Variants in ATG14 observed in about 807,000 individuals in gnomAD.
The protein encoded by ATG14 is autophagy related 14.
Under a neutral mutation model 60.4 loss-of-function variants are expected in ATG14, and 35 were observed. The ratio of observed to expected loss-of-function variants is 0.58; its 90% CI spans 0.44 to 0.77. The LOEUF (loss-of-function observed/expected upper bound fraction) is 0.77, where lower values mean the gene tolerates loss of function less well. ATG14 is among the 30% of genes least tolerant of loss of function. The pLI is 0.00. For missense variants in ATG14, 647 were observed against 626.3 expected, an observed-to-expected ratio of 1.03 and a Z score of -0.35; for synonymous variants, 234 against 228.8, an observed-to-expected ratio of 1.02 and a Z score of -0.21.
rs1884947828 is a variant in ATG14 at position 55,377,800 on chromosome 14, G to C, written c.1172+19C>G. 1 of 1,530,802 alleles carries C rather than the reference G, an allele frequency of 6.5e-7. No homozygotes were observed. The highest frequency in any genetic ancestry group is 8.8e-7 in the Non-Finnish European group (1 of 1,133,268). The allele number at this position is 1,530,802 out of a possible 1,614,324, so 94.8% of individuals were successfully genotyped here. A position where few individuals can be genotyped will look rare whatever the true frequency, so the allele number is the denominator to read the frequency against. On this transcript the variant is annotated intron_variant, in intron 9 of 9. Coordinates refer to ENST00000247178, the MANE Select transcript of ATG14 (RefSeq NM_014924.5). ...GATTCACAAAAACACTTAGAGAAAAGCAACAAATATCTTCTTACCTGCCTA... is the reference window on the plus strand; with the variant it reads ...GATTCACAAAAACACTTAGAGAAAACCAACAAATATCTTCTTACCTGCCTA...
intron 4 of ATG14, 147 bp downstream of exon 4, chr14:55,390,764 A>G: frequency 1.6e-6 from 1 of 610,916 alleles, no homozygotes; most frequent in African/African-American, 1.9e-5. Context: ...AATGTTTTAC[A>G]AGGAAAGATG....
chr14:55,369,576 G>C lies in ATG14; in HGVS notation c.*43C>G, dbSNP rs761098909. 7 of 1,447,932 alleles carry C rather than the reference G, an allele frequency of 4.8e-6. No individual in the cohort carries two copies. The highest frequency in any genetic ancestry group is 6.4e-6 in the Non-Finnish European group (7 of 1,088,280). The allele number at this position is 1,447,932 out of a possible 1,614,324, so 89.7% of individuals were successfully genotyped here. On this transcript the variant is annotated 3_prime_UTR_variant, in exon 10 of 10. Transcript: ENST00000247178. ...TGTTTACTAGAGTGTAGTGGGAGAA[G>C]AACTTTCTTGATGCAGATTTGGTAT...
intron 9 of ATG14, among the ~76,000 whole-genome samples, chr14:55,375,368 A>G (rs1884897733): frequency 6.6e-6 from 1 of 152,216 alleles, no homozygotes; most frequent in Non-Finnish European, 1.5e-5. Context: ...TCATTCTGTC[A>G]TCCAGGTTGG....
intron 3 of ATG14, among the ~76,000 whole-genome samples, chr14:55,391,471 T>TAAAAAA (rs746307684): frequency 5.3e-5 from 4 of 75,790 alleles, no homozygotes; most frequent in African/African-American, 8.1e-5. Context: ...TGAGACTCCA[T>TAAAAAA]AAAAAAAAAA....
intron 7 of ATG14, 26 bp downstream of exon 7, chr14:55,380,547 T>A: frequency 7.0e-7 from 1 of 1,421,598 alleles, no homozygotes; most frequent in Non-Finnish European, 9.8e-7. Context: ...ATGATAAAGA[T>A]GACATTACCA....
chr14:55,397,268 T>C lies in ATG14; in HGVS notation c.284+104A>G. ...ACACTTTAAGAGGTTGTATCCTAAA[T>C]TCAGTAAGTTAGCAATCCGTATATC... On this transcript the variant is annotated intron_variant, in intron 2 of 9. Coordinates refer to ENST00000247178, the MANE Select transcript of ATG14 (RefSeq NM_014924.5). 3.0e-6 allele frequency: 3 copies of C among 997,786 alleles called. No homozygotes were observed. The Admixed American group carries it at 5.9e-5, about 20-fold the overall frequency. 61.8% of individuals were successfully genotyped at this position (997,786 alleles called of 1,614,324 possible).
chr14:55,370,026 G>T, intron 9 of ATG14, 101 bp from the exon 10 acceptor site: 1 of 1,131,146 alleles, frequency 8.8e-7, no homozygotes, highest in Non-Finnish European at 1.2e-6. Flanking sequence ...GATGAGGGAC[G>T]CCGCACACCC....
chr14:55,384,497 G>A (rs75112402), intron 5 of ATG14, among the ~76,000 whole-genome samples: 3,026 of 152,274 alleles, frequency 0.02, 79 homozygotes, highest in African/African-American at 0.069. Flanking sequence ...ATCACACATT[G>A]CACTCAGCTG....
At chr14:55,388,116 G>A (rs1261522299) in intron 4 of ATG14, among the ~76,000 whole-genome samples, 3 of 152,200 alleles carry the variant, frequency 2.0e-5, no homozygotes, top group African/African-American at 4.8e-5. Flanking sequence ...CAGCCTGGGC[G>A]AAAGAGCGAG....
intron 9 of ATG14, among the ~76,000 whole-genome samples, chr14:55,371,459 A>T (rs545527705): frequency 6.6e-6 from 1 of 152,296 alleles, no homozygotes; most frequent in Admixed American, 6.5e-5. Flanking sequence ...ATTAAATTGG[A>T]AGATACGCCA....
intron 9 of ATG14, among the ~76,000 whole-genome samples, chr14:55,372,657 T>TCCTTCCTTCGCTCCTCCCTGCTC (rs1249360644): frequency 9.9e-5 from 15 of 151,820 alleles, no homozygotes; most frequent in South Asian, 2.1e-4. Flanking sequence ...CACAGCTTGC[T>TCCTTCCTTCGCTCCTCCCTGCTC]CCTTCCTTCG....
At chr14:55,397,111 C>A (rs9323285) in intron 2 of ATG14, among the ~76,000 whole-genome samples, 45,507 of 152,044 alleles carry the variant, frequency 0.3, 7,163 homozygotes, top group East Asian at 0.35. Flanking sequence ...TGGACCCACA[C>A]ATCAATTATC....
At chr14:55,379,659 T>C (rs1025299163) in intron 7 of ATG14, among the ~76,000 whole-genome samples, 2 of 151,932 alleles carry the variant, frequency 1.3e-5, no homozygotes, top group African/African-American at 4.8e-5. Context: ...AATGCAATGA[T>C]AGTTGGAGGG....
intron 5 of ATG14, 41 bp from the exon 6 acceptor site, chr14:55,382,232 G>T: frequency 5.1e-6 from 8 of 1,583,826 alleles, no homozygotes; most frequent in Middle Eastern, 1.7e-4. Context: ...AAGAGAGAGG[G>T]TTTTTAAGGG....
intron 1 of ATG14, among the ~76,000 whole-genome samples, chr14:55,402,604 A>C (rs1190832371): frequency 6.6e-6 from 1 of 152,022 alleles, no homozygotes; most frequent in Non-Finnish European, 1.5e-5. Context: ...GTATGCTTTT[A>C]TTCTTTAATC....
chr14:55,368,909 G>A lies in ATG14; in HGVS notation c.*710C>T, dbSNP rs1884746245. 1 of 152,458 alleles carries A rather than the reference G, an allele frequency of 6.6e-6. No individual in the cohort carries two copies. Among genetic ancestry groups the A allele is most frequent in the African/African-American group, 2.4e-5 (1 of 41,452 alleles). 9.4% of individuals were successfully genotyped at this position (152,458 alleles called of 1,614,324 possible). On this transcript the variant is annotated 3_prime_UTR_variant, in exon 10 of 10. Coordinates refer to ENST00000247178, the MANE Select transcript of ATG14 (RefSeq NM_014924.5). ...ATTCCCCTCAGAATACAAGAAAATAGTTAAAAACTCTCTAGACATTATTGC... is the reference window on the plus strand; with the variant it reads ...ATTCCCCTCAGAATACAAGAAAATAATTAAAAACTCTCTAGACATTATTGC...
chr14:55,384,235 T>C (rs2140133732), intron 5 of ATG14, among the ~76,000 whole-genome samples: 1 of 152,380 alleles, frequency 6.6e-6, no homozygotes, highest in South Asian at 2.1e-4. Context: ...AAATAGTTTT[T>C]CTTCATATTT....
chr14:55,388,915 G>A (rs1462144885), intron 4 of ATG14, among the ~76,000 whole-genome samples: 2 of 152,184 alleles, frequency 1.3e-5, no homozygotes, highest in Non-Finnish European at 2.9e-5. Context: ...CATGATGAGA[G>A]GAGGACAGAA....
chr14:55,382,589 T>C (rs1446085987), intron 5 of ATG14, among the ~76,000 whole-genome samples: 1 of 152,146 alleles, frequency 6.6e-6, no homozygotes, highest in Non-Finnish European at 1.5e-5. Flanking sequence ...GAGATTATAA[T>C]CATGAGCTAC....
Sources: gnomAD v4.1 joint callset for allele counts (sites outside exome capture counted in the v4.1 genomes callset) on GRCh38, gnomAD v4.1.1 for gene constraint, MANE v1.5 for transcripts, NCBI Gene and HGNC (gene_info 2026-07-23, HGNC 2026-07-21) for gene names.